The following PLEKHA3 variants were observed in gnomAD, a reference collection of about 807,000 sequenced individuals.
PLEKHA3 encodes the protein pleckstrin homology domain containing A3.
Under a neutral mutation model 39.2 loss-of-function variants are expected in PLEKHA3, and 19 were observed. The observed-to-expected ratio is 0.48, with a 90% confidence interval of 0.34 to 0.71. The LOEUF (loss-of-function observed/expected upper bound fraction) is 0.71, where lower values mean the gene tolerates loss of function less well. Ranked by LOEUF, PLEKHA3 falls within the 30% of genes least tolerant of loss-of-function variation. The pLI is 0.01. For missense variants in PLEKHA3, 253 were observed against 359.5 expected (o/e 0.70, Z 2.40); for synonymous variants, 97 against 118.6 (o/e 0.82, Z 1.18).
chr2:178,515,955 T>C lies in PLEKHA3; in HGVS notation c.*12068T>C, dbSNP rs1312275183. The C allele has an allele frequency of 2.0e-5, 3 of 151,966 alleles. No individual in the cohort carries two copies. The East Asian group carries it at 5.8e-4, about 29-fold the overall frequency. 9.4% of individuals were successfully genotyped at this position (151,966 alleles called of 1,614,324 possible). ...TTAAAATAGTCTTTTCTTTGCGTGT[T>C]TAAATATTGTTAGAAACATAAGCAC... On this transcript the variant is annotated 3_prime_UTR_variant, in exon 8 of 8. Transcript: ENST00000234453.
chr2:178,500,991 A>G, intron 6 of PLEKHA3, 70 bp from the exon 7 acceptor site: 1 of 939,104 alleles, frequency 1.1e-6, no homozygotes, highest in East Asian at 2.4e-5. Flanking sequence ...GAAGTCATTT[A>G]AAATTCCAGT....
At chr2:178,499,427 G>A (rs548850431) in intron 6 of PLEKHA3, among the ~76,000 whole-genome samples, 173 bp downstream of exon 6, 1 of 152,142 alleles carries the variant, frequency 6.6e-6, no homozygotes, top group South Asian at 2.1e-4. Flanking sequence ...TAAGGGCCTG[G>A]CCTCAGTAGG....
intron 4 of PLEKHA3, among the ~76,000 whole-genome samples, chr2:178,495,230 ATAAT>A (rs1559384583): frequency 6.6e-6 from 1 of 152,294 alleles, no homozygotes; most frequent in Middle Eastern, 3.4e-3. Context: ...TTTCAATATG[ATAAT>A]TAAATGCAAA....
chr2:178,491,677 A>C (rs1685349989), intron 3 of PLEKHA3, among the ~76,000 whole-genome samples: 1 of 152,262 alleles, frequency 6.6e-6, no homozygotes, highest in African/African-American at 2.4e-5. Context: ...ATTTCTTGAT[A>C]GTGAGATTAT....
chr2:178,497,351 C>T (rs942951027), intron 5 of PLEKHA3, among the ~76,000 whole-genome samples: 2 of 152,100 alleles, frequency 1.3e-5, no homozygotes, highest in African/African-American at 4.8e-5. Context: ...CTGCCTCAGC[C>T]TCCTGAGCAG....
At chr2:178,487,844 T>C (rs911013975) in intron 2 of PLEKHA3, among the ~76,000 whole-genome samples, 1 of 152,238 alleles carries the variant, frequency 6.6e-6, no homozygotes, top group African/African-American at 2.4e-5. Flanking sequence ...GTTCTGCATC[T>C]TTGCCAAAAC....
chr2:178,499,221 C>G lies in PLEKHA3; in HGVS notation c.626C>G (p.Ser209Cys). ...TTCCAAAATTTCTAGATGAAGCGTT[C>G]TGTCAGCCACCCTGGTTCTTGCAGT... The part of the protein sequence containing the change: ...SPSPVQMMKR[S>C]VSHPGSCSSE... Residue 209 changes from serine to cysteine, a missense_variant, in exon 6 of 8, where the codon TCT (serine) becomes TGT (cysteine). Transcript: ENST00000234453. The G allele has an allele frequency of 6.3e-7, 1 of 1,599,736 alleles. No homozygotes were observed. Among genetic ancestry groups the G allele is most frequent in the Non-Finnish European group, 8.5e-7 (1 of 1,174,730 alleles).
intron 2 of PLEKHA3, 105 bp from the exon 3 acceptor site, chr2:178,490,553 GT>G: frequency 8.6e-7 from 1 of 1,168,142 alleles, no homozygotes; most frequent in Non-Finnish European, 1.2e-6. Context: ...ATAGTTCAAT[GT>G]TTTTGGTATA....
Position 178,513,771 on chromosome 2 carries a change from C to G in PLEKHA3, c.*9884C>G, listed in dbSNP as rs1685721106. 6.6e-6 allele frequency: 1 copy of G among 150,946 alleles called. No homozygotes were observed. Among genetic ancestry groups the G allele is most frequent in the South Asian group, 2.1e-4 (1 of 4,790 alleles). 9.4% of individuals were successfully genotyped at this position (150,946 alleles called of 1,614,324 possible). A position where few individuals can be genotyped will look rare whatever the true frequency, so the allele number is the denominator to read the frequency against. Reference sequence around the variant, plus strand: ...GTTTTTTTTTTTGTTTGACAACAATCAAAAGTATGGCCTACAGATAGTAAG... The same window carrying G: ...GTTTTTTTTTTTGTTTGACAACAATGAAAAGTATGGCCTACAGATAGTAAG... On this transcript the variant is annotated 3_prime_UTR_variant, in exon 8 of 8. Coordinates refer to ENST00000234453, the MANE Select transcript of PLEKHA3 (RefSeq NM_019091.4).
chr2:178,497,293 C>T (rs752054419), intron 5 of PLEKHA3, among the ~76,000 whole-genome samples: 3 of 151,908 alleles, frequency 2.0e-5, no homozygotes, highest in Non-Finnish European at 4.4e-5. Flanking sequence ...TGCAGTGGCG[C>T]AATCTCAGCT....
At chr2:178,491,006 C>CTTTTTTTTTTTT (rs1166443655) in intron 3 of PLEKHA3, among the ~76,000 whole-genome samples, 192 bp downstream of exon 3, 1 of 137,338 alleles carries the variant, frequency 7.3e-6, no homozygotes, top group African/African-American at 2.8e-5. Flanking sequence ...TAAACTCTTT[C>CTTTTTTTTTTTT]TTTCTTTTTT....
chr2:178,505,055 A>AAC lies in PLEKHA3; in HGVS notation c.*1172_*1173dup, dbSNP rs1416584626. On this transcript the variant is annotated 3_prime_UTR_variant, in exon 8 of 8. Coordinates refer to ENST00000234453, the MANE Select transcript of PLEKHA3 (RefSeq NM_019091.4). Reference sequence around the variant, plus strand: ...AATAAATGCGTGGTTTTTGCATTCAAACACATCATATAATACATTGTATTT... The same window carrying AAC: ...AATAAATGCGTGGTTTTTGCATTCAAACACACATCATATAATACATTGTATTT... 1 of 152,398 alleles carries AAC rather than the reference A, an allele frequency of 6.6e-6. No homozygotes were observed. Among genetic ancestry groups the AAC allele is most frequent in the African/African-American group, 2.4e-5 (1 of 41,444 alleles). 9.4% of individuals were successfully genotyped at this position (152,398 alleles called of 1,614,324 possible).
rs182541003 is a variant in PLEKHA3 at position 178,492,419 on chromosome 2, A to G, written c.314-1434A>G. Among the ~76,000 whole-genome samples, 136 of 142,928 alleles carry G rather than the reference A, an allele frequency of 9.5e-4. 1 individual carries two copies. The highest frequency in any genetic ancestry group is 3.5e-3 in the African/African-American group (132 of 38,258). 93.8% of individuals were successfully genotyped at this position (142,928 alleles called of 152,430 possible). ...TAAAAAGCAAATTGTGACACATGCT[A>G]CACTGTGGATGAACCTTATAGACAT... On this transcript the variant is annotated intron_variant, in intron 3 of 7. Transcript: ENST00000234453.
chr2:178,507,238 A>G lies in PLEKHA3; in HGVS notation c.*3351A>G, dbSNP rs1156913519. On this transcript the variant is annotated 3_prime_UTR_variant, in exon 8 of 8. Coordinates refer to ENST00000234453, the MANE Select transcript of PLEKHA3 (RefSeq NM_019091.4). ...ACTTTACTTAAACTCTCCACCTCCC[A>G]CATTTTTCTTCCCCCACCCCTCCCA... is the stretch of plus-strand genomic sequence containing the variant. 2.0e-5 allele frequency: 3 copies of G among 152,126 alleles called. No homozygotes were observed. Among genetic ancestry groups the G allele is most frequent in the Non-Finnish European group, 4.4e-5 (3 of 68,012 alleles). 9.4% of individuals were successfully genotyped at this position (152,126 alleles called of 1,614,324 possible).
Position 178,504,840 on chromosome 2 carries a change from T to C in PLEKHA3, c.*953T>C, listed in dbSNP as rs1469315816. ...TGTCAAGATGACTGCTCTATATCAC[T>C]TGAGAATGGCATTATTTAATTAAAG... On this transcript the variant is annotated 3_prime_UTR_variant, in exon 8 of 8. Coordinates refer to ENST00000234453, the MANE Select transcript of PLEKHA3 (RefSeq NM_019091.4). 1 of 152,432 alleles carries C rather than the reference T, an allele frequency of 6.6e-6. No individual in the cohort carries two copies. Among genetic ancestry groups the C allele is most frequent in the Non-Finnish European group, 1.5e-5 (1 of 67,880 alleles). 9.4% of individuals were successfully genotyped at this position (152,432 alleles called of 1,614,324 possible).
At position 178,481,842 on chromosome 2, in the gene PLEKHA3, T is replaced by TGGG. The variant is rs5836653; in HGVS notation, c.40+943_40+945dup. ...AAATTTGAACAGTAAACAGATTTTT[T>TGGG]GGGGGGGGGGGGTCTAGCATAATAG... is the stretch of plus-strand genomic sequence containing the variant. On this transcript the variant is annotated intron_variant, in intron 1 of 7. Transcript: ENST00000234453. The TGGG allele has an allele frequency of 6.7e-5, 8 of 118,842 alleles. No individual in the cohort carries two copies. In the East Asian group the frequency reaches 7.6e-4, roughly 11 times the overall value. 7.4% of individuals were successfully genotyped at this position (118,842 alleles called of 1,614,324 possible). A position where few individuals can be genotyped will look rare whatever the true frequency, so the allele number is the denominator to read the frequency against.
chr2:178,489,478 G>A (rs1463993401), intron 2 of PLEKHA3, among the ~76,000 whole-genome samples: 3 of 67,848 alleles, frequency 4.4e-5, no homozygotes, highest in Non-Finnish European at 4.8e-5. Flanking sequence ...TTTTTTTTGA[G>A]ACAGGGTCTT....
intron 7 of PLEKHA3, 75 bp from the exon 8 acceptor site, chr2:178,503,685 T>C: frequency 2.7e-6 from 4 of 1,471,720 alleles, no homozygotes; most frequent in Non-Finnish European, 3.7e-6. Flanking sequence ...GAACAGGAAA[T>C]TTAAAATGTT....
rs904766297 is a variant in PLEKHA3 at position 178,509,217 on chromosome 2, G to A, written c.*5330G>A. 6.6e-6 allele frequency: 1 copy of A among 152,054 alleles called. No individual in the cohort carries two copies. Among genetic ancestry groups the A allele is most frequent in the Non-Finnish European group, 1.5e-5 (1 of 68,000 alleles). The allele number at this position is 152,054 out of a possible 1,614,324, so 9.4% of individuals were successfully genotyped here. ...GAGGTAGAGGAAATAAATTCATGTG[G>A]TTGGTTTGTATGTTTCACTGAAAGT... is the stretch of plus-strand genomic sequence containing the variant. On this transcript the variant is annotated 3_prime_UTR_variant, in exon 8 of 8. Coordinates refer to ENST00000234453, the MANE Select transcript of PLEKHA3 (RefSeq NM_019091.4).
Sources: gnomAD v4.1 joint callset for allele counts (sites outside exome capture counted in the v4.1 genomes callset) on GRCh38, gnomAD v4.1.1 for gene constraint, MANE v1.5 for transcripts, NCBI Gene and HGNC (gene_info 2026-07-23, HGNC 2026-07-21) for gene names.